The following DCDC1 variants were observed in gnomAD, a reference collection of about 807,000 sequenced individuals.
The protein encoded by DCDC1 is doublecortin domain containing 1, also known as doublecortin domain-containing protein 1.
DCDC1 carries 200 observed loss-of-function variants against 178.3 expected under a neutral mutation model. That is an observed-to-expected ratio of 1.12 (90% CI 1.00 to 1.26). DCDC1 has a LOEUF of 1.26. DCDC1 is among the 50% of genes most tolerant of loss of function. The pLI, the probability that DCDC1 is intolerant of heterozygous loss-of-function variation, is 0.00. For synonymous variants in DCDC1, 690 were observed against 604.8 expected (o/e 1.14, Z -2.07); for missense variants, 1,983 against 1,749.2 (o/e 1.13, Z -2.38).
chr11:31,363,366 G>A (rs1951803137), intron 1 of DCDC1, among the ~76,000 whole-genome samples: 2 of 152,032 alleles, frequency 1.3e-5, no homozygotes, highest in South Asian at 4.1e-4. Context: ...AAGAGTTATT[G>A]CCTTATATTT....
intron 6 of DCDC1, among the ~76,000 whole-genome samples, chr11:31,299,085 C>T (rs552568843): frequency 4.0e-4 from 61 of 152,294 alleles, no homozygotes; most frequent in Admixed American, 8.5e-4. Context: ...AATACAATTG[C>T]TTCTATGTTT....
intron 20 of DCDC1, among the ~76,000 whole-genome samples, chr11:30,959,420 C>T (rs571190233): frequency 6.6e-6 from 1 of 152,218 alleles, no homozygotes; most frequent in South Asian, 2.1e-4. Context: ...TCTTAGGCGA[C>T]CACTGTAGTC....
intron 27 of DCDC1, among the ~76,000 whole-genome samples, chr11:30,914,652 AAG>A (rs1312839996): frequency 7.2e-6 from 1 of 139,340 alleles, no homozygotes. Flanking sequence ...AAAAAAAAAA[AAG>A]AGAGAGAGAG....
chr11:31,336,249 G>C (rs1348520223), intron 1 of DCDC1, among the ~76,000 whole-genome samples: 1 of 152,186 alleles, frequency 6.6e-6, no homozygotes, highest in East Asian at 1.9e-4. Context: ...GGTAGCATCT[G>C]GGCAAAGATA....
intron 9 of DCDC1, among the ~76,000 whole-genome samples, chr11:31,176,511 A>G (rs999263727): frequency 6.6e-6 from 1 of 152,188 alleles, no homozygotes; most frequent in African/African-American, 2.4e-5. Flanking sequence ...TTGCCAAGTA[A>G]TTGAGAGAGA....
chr11:30,931,873 G>A lies in DCDC1; in HGVS notation c.2795C>T (p.Pro932Leu), dbSNP rs1946950154. Residue 932 changes from proline to leucine, a missense_variant, in exon 22 of 39, where the codon CCA becomes CTA. Transcript: ENST00000684477. ...AACTCTGAGTCGCACAGGGGCATAT[G>A]GCTCTGTTGTCTTACAGATGGGTTT... Reference protein sequence around the residue: ...MKKPICKTTEPYAPVRLRVLQ... With the variant: ...MKKPICKTTELYAPVRLRVLQ... The A allele has an allele frequency of 2.5e-6, 4 of 1,613,124 alleles. No individual in the cohort carries two copies. The highest frequency in any genetic ancestry group is 3.3e-4 in the Middle Eastern group (2 of 6,056).
At chr11:30,901,643 G>A (rs1944676273) in intron 32 of DCDC1, among the ~76,000 whole-genome samples, 1 of 152,096 alleles carries the variant, frequency 6.6e-6, no homozygotes, top group South Asian at 2.1e-4. Flanking sequence ...GGAAGAGATG[G>A]AATCAAAAGA....
chr11:31,180,927 C>G (rs1231805477), intron 9 of DCDC1, among the ~76,000 whole-genome samples: 1 of 152,030 alleles, frequency 6.6e-6, no homozygotes, highest in Non-Finnish European at 1.5e-5. Context: ...CTCAGCAGAT[C>G]CCACCGCCAC....
intron 38 of DCDC1, among the ~76,000 whole-genome samples, chr11:30,869,910 C>G (rs1941376368): frequency 6.6e-6 from 1 of 151,994 alleles, no homozygotes; most frequent in South Asian, 2.1e-4. Flanking sequence ...TGATATGATT[C>G]TTATTCTAGA....
intron 9 of DCDC1, among the ~76,000 whole-genome samples, chr11:31,170,434 G>C (rs1438106460): frequency 6.6e-6 from 1 of 152,200 alleles, no homozygotes; most frequent in Non-Finnish European, 1.5e-5. Flanking sequence ...AGGGGTGAGA[G>C]AGAAGTATGG....
intron 20 of DCDC1, among the ~76,000 whole-genome samples, chr11:31,034,579 C>A (rs1374709341): frequency 6.6e-6 from 1 of 152,108 alleles, no homozygotes; most frequent in African/African-American, 2.4e-5. Context: ...TACTTTTTTA[C>A]AATTGCCTAC....
At chr11:30,887,451 T>C (rs1242580650) in intron 36 of DCDC1, among the ~76,000 whole-genome samples, 1 of 152,214 alleles carries the variant, frequency 6.6e-6, no homozygotes, top group African/African-American at 2.4e-5. Context: ...TAATGTGTGC[T>C]GTGAGATGTA....
chr11:31,003,449 G>C (rs1024543136), intron 20 of DCDC1, among the ~76,000 whole-genome samples: 1 of 152,174 alleles, frequency 6.6e-6, no homozygotes, highest in South Asian at 2.1e-4. Context: ...AACACAGTGT[G>C]ATGAGTGCTG....
At chr11:31,134,284 C>T (rs1246801863) in intron 10 of DCDC1, among the ~76,000 whole-genome samples, 1 of 152,126 alleles carries the variant, frequency 6.6e-6, no homozygotes, top group Non-Finnish European at 1.5e-5. Flanking sequence ...GTCTCATAGA[C>T]CTCTAACTCC....
At chr11:31,109,499 G>C (rs181672603) in intron 12 of DCDC1, among the ~76,000 whole-genome samples, 1 of 152,136 alleles carries the variant, frequency 6.6e-6, no homozygotes, top group African/African-American at 2.4e-5. Flanking sequence ...CTCTCTTCCA[G>C]GTCCAGCTAA....
intron 6 of DCDC1, among the ~76,000 whole-genome samples, chr11:31,299,079 C>G (rs1306256235): frequency 6.6e-6 from 1 of 152,170 alleles, no homozygotes; most frequent in Non-Finnish European, 1.5e-5. Flanking sequence ...ACCCAAAATA[C>G]AATTGCTTCT....
At chr11:31,097,578 A>G (rs1308148847) in intron 15 of DCDC1, among the ~76,000 whole-genome samples, 2 of 152,184 alleles carry the variant, frequency 1.3e-5, no homozygotes, top group Non-Finnish European at 2.9e-5. Context: ...CAGTCCACCT[A>G]CTTCTAAGGC....
intron 9 of DCDC1, among the ~76,000 whole-genome samples, chr11:31,211,601 A>T (rs534339406): frequency 6.6e-6 from 1 of 152,270 alleles, no homozygotes; most frequent in African/African-American, 2.4e-5. Flanking sequence ...AATCGGAAAA[A>T]ATCCATATGG....
intron 17 of DCDC1, among the ~76,000 whole-genome samples, chr11:31,089,573 G>A (rs1393388447): frequency 6.7e-6 from 1 of 150,112 alleles, no homozygotes; most frequent in Non-Finnish European, 1.5e-5. Context: ...CAGAAATTGG[G>A]CCATATGAAA....
Sources: gnomAD v4.1 joint callset for allele counts (sites outside exome capture counted in the v4.1 genomes callset) on GRCh38, gnomAD v4.1.1 for gene constraint, MANE v1.5 for transcripts, NCBI Gene and HGNC (gene_info 2026-07-23, HGNC 2026-07-21) for gene names.